SLC9A3: variants seen among roughly 807,000 people sequenced by gnomAD.
SLC9A3 encodes the protein solute carrier family 9 member A3, also known as sodium/hydrogen exchanger 3.
SLC9A3 carries 37 observed loss-of-function variants against 86.8 expected under a neutral mutation model. That is an observed-to-expected ratio of 0.43 (90% confidence interval 0.33 to 0.56). SLC9A3 has a LOEUF of 0.56. Among genes scored for constraint, SLC9A3 ranks in the 20% least tolerant of loss-of-function variants. The probability of loss-of-function intolerance (pLI) is 0.06; values close to 1 mark genes in which losing one functional copy is unlikely to be tolerated. For synonymous variants in SLC9A3, 581 were observed against 528.3 expected (o/e 1.10, Z -1.37); for missense variants, 1,011 against 1,171.9 (o/e 0.86, Z 2.00).
At chr5:521,941 G>A (rs2126662086) in intron 1 of SLC9A3, among the ~76,000 whole-genome samples, 2 of 152,318 alleles carry the variant, frequency 1.3e-5, no homozygotes, top group East Asian at 3.9e-4. Context: ...GATGGAGGGT[G>A]GGACACCCTG....
Position 488,585 on chromosome 5 carries a change from C to T in SLC9A3, c.515-109G>A, listed in dbSNP as rs929736987. On this transcript the variant is annotated intron_variant, in intron 2 of 16. Coordinates refer to ENST00000264938, the MANE Select transcript of SLC9A3 (RefSeq NM_004174.4). The stretch of plus-strand genomic sequence containing the variant: ...CGGGGTTCGGAGCCCGTCTGGCTGG[C>T]GCCGGTGGCGTGGGGAGCTGGGTCA... 70 of 1,155,718 alleles carry T rather than the reference C, an allele frequency of 6.1e-5. No individual in the cohort carries two copies. The East Asian group carries it at 9.7e-4, about 16-fold the overall frequency. 71.6% of individuals were successfully genotyped at this position (1,155,718 alleles called of 1,614,324 possible).
At position 474,914 on chromosome 5, in the gene SLC9A3, G is replaced by A. The variant is rs577890614; in HGVS notation, c.2470C>T (p.Pro824Ser). 6.3e-7 allele frequency: 1 copy of A among 1,594,462 alleles called. No individual in the cohort carries two copies. The highest frequency in any genetic ancestry group is 1.8e-5 in the Admixed American group (1 of 56,274). ...GTGGACTCGGGGAGGGCGGCGGGGG[G>A]CCGCTCCTCGGGGCCGTCTGCCTGC... ...FLQADGPEER[P>S]PAALPESTHM The change falls in exon 16 of 17, where the codon CCC (proline) becomes TCC (serine). Residue 824 changes from proline to serine, a missense_variant. Pro to Ser is a moderately conservative substitution (Grantham distance 74, BLOSUM62 -1). Transcript: ENST00000264938.
chr5:474,696 G>GCGTTAC (rs1560947117), intron 16 of SLC9A3, among the ~76,000 whole-genome samples, 187 bp downstream of exon 16: 3 of 26,140 alleles, frequency 1.1e-4, no homozygotes, highest in African/African-American at 2.5e-4. Flanking sequence ...GGCGGGGAGA[G>GCGTTAC]AGAGAGCGAG....
intron 1 of SLC9A3, among the ~76,000 whole-genome samples, chr5:507,904 A>C: frequency 9.9e-6 from 1 of 101,146 alleles, no homozygotes; most frequent in Non-Finnish European, 2.0e-5. Flanking sequence ...CACCCCACAG[A>C]CGCCCGAATC....
chr5:510,196 G>T (rs1740816401), intron 1 of SLC9A3, among the ~76,000 whole-genome samples: 1 of 152,242 alleles, frequency 6.6e-6, no homozygotes, highest in Non-Finnish European at 1.5e-5. Flanking sequence ...CAGAGAGGCT[G>T]CCAAGAGCAG....
At chr5:510,208 GAC>G (rs1560973204) in intron 1 of SLC9A3, among the ~76,000 whole-genome samples, 1 of 152,250 alleles carries the variant, frequency 6.6e-6, no homozygotes, top group African/African-American at 2.4e-5. Context: ...CAAGAGCAGC[GAC>G]AGAGACCATC....
At chr5:504,796 T>C (rs1287770712) in intron 1 of SLC9A3, among the ~76,000 whole-genome samples, 1 of 152,128 alleles carries the variant, frequency 6.6e-6, no homozygotes, top group Non-Finnish European at 1.5e-5. Flanking sequence ...GGCCCCTTCA[T>C]GGGGGCCGGG....
intron 11 of SLC9A3, 148 bp downstream of exon 11, chr5:477,184 G>A (rs1044525623): frequency 3.3e-6 from 2 of 600,300 alleles, no homozygotes; most frequent in Admixed American, 3.1e-5. Flanking sequence ...AGGAGGGCTT[G>A]TGGAAGGAGA....
At chr5:478,272 G>C (rs1738892689) in intron 10 of SLC9A3, 1 of 152,282 alleles carries the variant, frequency 6.6e-6, no homozygotes, top group East Asian at 1.9e-4. Context: ...AGCATCTTCT[G>C]TATGACCTTT....
chr5:473,718 G>A (rs1738533906), intron 16 of SLC9A3, among the ~76,000 whole-genome samples: 1 of 152,196 alleles, frequency 6.6e-6, no homozygotes, highest in East Asian at 1.9e-4. Context: ...ATCTCAAACC[G>A]CCCTGGCGTC....
At chr5:481,056 A>ATGTT (rs1739133429) in intron 9 of SLC9A3, among the ~76,000 whole-genome samples, 1 of 152,064 alleles carries the variant, frequency 6.6e-6, no homozygotes, top group Non-Finnish European at 1.5e-5. Flanking sequence ...CCCCTGGCTA[A>ATGTT]TGTTTGTATT....
At chr5:477,190 G>A in intron 11 of SLC9A3, 142 bp downstream of exon 11, 1 of 608,900 alleles carries the variant, frequency 1.6e-6, no homozygotes, top group Non-Finnish European at 2.9e-6. Context: ...GCTTGTGGAA[G>A]GAGACACCCA....
At chr5:502,291 C>G (rs917839502) in intron 1 of SLC9A3, among the ~76,000 whole-genome samples, 1 of 152,242 alleles carries the variant, frequency 6.6e-6, no homozygotes, top group African/African-American at 2.4e-5. Flanking sequence ...CCCCCACCCC[C>G]AGAGACGGCC....
At chr5:479,302 G>A (rs928018420) in intron 10 of SLC9A3, 3 of 155,648 alleles carry the variant, frequency 1.9e-5, no homozygotes, top group Admixed American at 6.2e-5. Context: ...CAGTGGCCTC[G>A]GGGCTGGGTG....
chr5:472,096 C>T lies in SLC9A3; in HGVS notation c.*1283G>A. On this transcript the variant is annotated 3_prime_UTR_variant, in exon 17 of 17. Coordinates refer to ENST00000264938, the MANE Select transcript of SLC9A3 (RefSeq NM_004174.4). ...TTCAGGTGGGTTGGACCCTGTGGGA[C>T]TTGCCGTCTGAGGGATGGATGGACT... The T allele has an allele frequency of 2.3e-6, 1 of 425,954 alleles. No individual in the cohort carries two copies. Among genetic ancestry groups the T allele is most frequent in the South Asian group, 1.7e-5 (1 of 59,698 alleles). The allele number at this position is 425,954 out of a possible 1,614,324, so 26.4% of individuals were successfully genotyped here. A position where few individuals can be genotyped will look rare whatever the true frequency, so the allele number is the denominator to read the frequency against.
chr5:493,815 C>A (rs1287785669), intron 1 of SLC9A3, among the ~76,000 whole-genome samples: 1 of 152,250 alleles, frequency 6.6e-6, no homozygotes, highest in Non-Finnish European at 1.5e-5. Flanking sequence ...TCTGAGCCCC[C>A]CGACGGCTCC....
In SLC9A3 at chr5:483,262, C is replaced by T. The variant is rs985101377; in HGVS notation, c.1153G>A (p.Gly385Ser). The change falls in exon 6 of 17, where the codon GGT becomes AGT. Residue 385 changes from glycine to serine, a missense_variant and splice_region_variant. Around this residue, in one of 3 missense-constraint regions of SLC9A3, gnomAD observed 565 missense variants for 790.0 expected, o/e 0.72. Transcript: ENST00000264938. ...LVFISVYRAIGVVLQTWLLNR... is the reference protein window; with the variant it reads ...LVFISVYRAISVVLQTWLLNR... ...CGGCCGCAACCCGGCCCCGCCTCACCGATGGCCCGGTACACGGAGATGAAG... is the reference window on the plus strand; with the variant it reads ...CGGCCGCAACCCGGCCCCGCCTCACTGATGGCCCGGTACACGGAGATGAAG... 6 of 1,540,734 alleles carry T rather than the reference C, an allele frequency of 3.9e-6. No individual in the cohort carries two copies. The highest frequency in any genetic ancestry group is 2.5e-5 in the East Asian group (1 of 40,672).
Position 472,607 on chromosome 5 carries a change from G to A in SLC9A3, c.*772C>T, listed in dbSNP as rs1738425134. 1 of 395,912 alleles carries A rather than the reference G, an allele frequency of 2.5e-6. No homozygotes were observed. The highest frequency in any genetic ancestry group is 3.1e-5 in the Admixed American group (1 of 32,118). 24.5% of individuals were successfully genotyped at this position (395,912 alleles called of 1,614,324 possible). The stretch of plus-strand genomic sequence containing the variant: ...GCAGGACGGAACCTGGGGGGGAAAC[G>A]GGGCAGGTACTGGCTTTAGGAGTCT... On this transcript the variant is annotated 3_prime_UTR_variant, in exon 17 of 17. Transcript: ENST00000264938.
chr5:490,488 G>A (rs1317291619), intron 2 of SLC9A3, among the ~76,000 whole-genome samples: 1 of 152,240 alleles, frequency 6.6e-6, no homozygotes, highest in African/African-American at 2.4e-5. Context: ...CAGTGTCTCT[G>A]GCCAATGCTA....
Sources: allele counts gnomAD v4.1 joint callset (sites outside exome capture counted in the v4.1 genomes callset), GRCh38; gene constraint gnomAD v4.1.1; regional missense constraint gnomAD v4.1.1; transcripts MANE v1.5; gene names NCBI Gene and HGNC (gene_info 2026-07-23, HGNC 2026-07-21).